GLI3: variants seen among roughly 807,000 people sequenced by gnomAD.
GLI3 encodes the protein GLI family zinc finger 3.
In GLI3, 20 loss-of-function variants were observed where a neutral mutation model predicts 100.8. That is an observed-to-expected ratio of 0.20 (90% CI 0.14 to 0.29). GLI3 has a LOEUF of 0.29. Ranked by LOEUF, GLI3 falls within the 10% of genes least tolerant of loss-of-function variation. The pLI is 1.00. For missense variants in GLI3, 2,040 were observed against 2,128.5 expected, an observed-to-expected ratio of 0.96 and a Z score of 0.82; for synonymous variants, 938 against 860.5, an observed-to-expected ratio of 1.09 and a Z score of -1.58.
intron 1 of GLI3, among the ~76,000 whole-genome samples, chr7:42,261,457 A>G (rs202175397): frequency 1.8e-4 from 24 of 136,782 alleles, no homozygotes; most frequent in African/African-American, 5.6e-4. Flanking sequence ...CCATCCATCC[A>G]TCCTCAGCTA....
intron 2 of GLI3, among the ~76,000 whole-genome samples, chr7:42,175,320 C>T (rs1787457049): frequency 6.6e-6 from 1 of 152,150 alleles, no homozygotes. Context: ...TCAGTCTCTT[C>T]ATTTGGAGAA....
intron 3 of GLI3, among the ~76,000 whole-genome samples, chr7:42,092,542 T>C (rs1785246022): frequency 6.6e-6 from 1 of 152,120 alleles, no homozygotes; most frequent in Non-Finnish European, 1.5e-5. Flanking sequence ...CAGGTTAAAG[T>C]CTGGGCACTT....
rs1788554759 is a variant in GLI3, at chr7:42,224,887, T to C, written c.-42-1592A>G. Among the ~76,000 whole-genome samples, 3 of 152,352 alleles carry C rather than the reference T, an allele frequency of 2.0e-5. No individual in the cohort carries two copies. In the South Asian group the frequency reaches 6.2e-4, roughly 32 times the overall value. On this transcript the variant is annotated intron_variant, in intron 1 of 14. Coordinates refer to ENST00000395925, the MANE Select transcript of GLI3 (RefSeq NM_000168.6). ...AATGACAGAATCGGGCAGTGAGATC[T>C]GACCTTTACTTTGGGCGGGAGGAAG...
chr7:41,986,413 C>T (rs1787825758), intron 10 of GLI3, among the ~76,000 whole-genome samples: 2 of 151,484 alleles, frequency 1.3e-5, no homozygotes, highest in East Asian at 1.9e-4. Flanking sequence ...CACCCCACCC[C>T]ACCCCATCAC....
At chr7:42,105,588 C>T (rs1785555742) in intron 3 of GLI3, among the ~76,000 whole-genome samples, 1 of 152,086 alleles carries the variant, frequency 6.6e-6, no homozygotes. Flanking sequence ...ATAATATGTA[C>T]TTAAGTTAAT....
chr7:42,001,611 A>G (rs1438622608), intron 10 of GLI3, among the ~76,000 whole-genome samples: 3 of 152,186 alleles, frequency 2.0e-5, no homozygotes, highest in African/African-American at 7.2e-5. Context: ...AATTGTTACT[A>G]AGGAACAAAG....
Position 42,193,929 on chromosome 7 carries a change from C to T in GLI3, c.124+29201G>A, listed in dbSNP as rs1251142678. Among the ~76,000 whole-genome samples the T allele has an allele frequency of 5.3e-5, 8 of 152,192 alleles. No individual in the cohort carries two copies. In the East Asian group the frequency reaches 1.5e-3, roughly 29 times the overall value. ...TTTAAAGAAAATAAAACAGATACCG[C>T]TAAAGCTCCCCTCCTCCGTCCCCTG... On this transcript the variant is annotated intron_variant, in intron 2 of 14. Transcript: ENST00000395925.
At chr7:42,075,105 G>C (rs1203665251) in intron 4 of GLI3, among the ~76,000 whole-genome samples, 3 of 152,138 alleles carry the variant, frequency 2.0e-5, no homozygotes, top group African/African-American at 4.8e-5. Flanking sequence ...AGGGCTTGCT[G>C]TTATATTCCG....
intron 3 of GLI3, among the ~76,000 whole-genome samples, chr7:42,082,579 A>G (rs1785019169): frequency 6.6e-6 from 1 of 152,150 alleles, no homozygotes; most frequent in South Asian, 2.1e-4. Flanking sequence ...GAATCCCCAC[A>G]GCATCACCTC....
At chr7:42,217,350 G>A (rs1367218890) in intron 2 of GLI3, among the ~76,000 whole-genome samples, 1 of 152,170 alleles carries the variant, frequency 6.6e-6, no homozygotes, top group Non-Finnish European at 1.5e-5. Flanking sequence ...CAGAGTTCAG[G>A]ACATGTGAGT....
intron 3 of GLI3, among the ~76,000 whole-genome samples, chr7:42,125,478 C>G (rs766112778): frequency 6.6e-6 from 1 of 152,178 alleles, no homozygotes; most frequent in Non-Finnish European, 1.5e-5. Flanking sequence ...TCGGCTCCAG[C>G]GGACACCACT....
At chr7:42,201,852 G>A (rs1788046023) in intron 2 of GLI3, among the ~76,000 whole-genome samples, 1 of 152,138 alleles carries the variant, frequency 6.6e-6, no homozygotes, top group East Asian at 1.9e-4. Context: ...GGGAAGCCGA[G>A]GCGGGCAGAT....
chr7:42,233,057 A>C (rs1378151141), intron 1 of GLI3, among the ~76,000 whole-genome samples: 1 of 152,224 alleles, frequency 6.6e-6, no homozygotes, highest in Non-Finnish European at 1.5e-5. Flanking sequence ...ACACCATGTA[A>C]AGTTTGCGAT....
rs975463241 is a variant in GLI3, at chr7:41,977,013, C to A, written c.1812+545G>T. ...AGAAAGTATTCTGGGTTTCTGAGAC[C>A]ATTTTCCAAGATCCTTTGGAATTTA... On this transcript the variant is annotated intron_variant, in intron 12 of 14. Coordinates refer to ENST00000395925, the MANE Select transcript of GLI3 (RefSeq NM_000168.6). 1.2e-3 allele frequency among the ~76,000 whole-genome samples: 190 copies of A among 152,182 alleles called. 2 individuals are homozygous for A. The highest frequency in any genetic ancestry group is 0.012 in the Admixed American group (189 of 15,274).
intron 2 of GLI3, among the ~76,000 whole-genome samples, chr7:42,154,370 G>T (rs987198642): frequency 5.9e-5 from 9 of 152,132 alleles, no homozygotes; most frequent in African/African-American, 1.9e-4. Flanking sequence ...GTGTGTTCCA[G>T]GCATTTTTAA....
At chr7:42,214,361 T>G (rs1788330938) in intron 2 of GLI3, among the ~76,000 whole-genome samples, 1 of 151,274 alleles carries the variant, frequency 6.6e-6, no homozygotes, top group South Asian at 2.1e-4. Context: ...GGGAAAGAGA[T>G]GAAAGAATGC....
chr7:42,020,311 C>T (rs775524332), intron 10 of GLI3, among the ~76,000 whole-genome samples: 26 of 152,178 alleles, frequency 1.7e-4, no homozygotes, highest in African/African-American at 6.0e-4. Flanking sequence ...GAATTCCAAC[C>T]GTGCAGCTCA....
At chr7:42,225,972 C>A (rs950923366) in intron 1 of GLI3, among the ~76,000 whole-genome samples, 15 of 152,206 alleles carry the variant, frequency 9.9e-5, no homozygotes, top group Non-Finnish European at 1.5e-4. Flanking sequence ...CTGTGACTTA[C>A]AGGACTCTGC....
intron 2 of GLI3, among the ~76,000 whole-genome samples, chr7:42,191,080 C>T (rs1206280183): frequency 6.6e-6 from 1 of 151,644 alleles, no homozygotes; most frequent in African/African-American, 2.4e-5. Flanking sequence ...CACTATTATC[C>T]AGGAAGTTGA....
Sources: gnomAD v4.1 joint callset for allele counts (sites outside exome capture counted in the v4.1 genomes callset) on GRCh38, gnomAD v4.1.1 for gene constraint, MANE v1.5 for transcripts, NCBI Gene and HGNC (gene_info 2026-07-23, HGNC 2026-07-21) for gene names.